MYO16: variants seen among roughly 807,000 people sequenced by gnomAD.
The protein encoded by MYO16 is myosin XVI.
In MYO16, 94 loss-of-function variants were observed where a neutral mutation model predicts 205.3. The ratio of observed to expected loss-of-function variants is 0.46; its 90% CI spans 0.39 to 0.54. The LOEUF (loss-of-function observed/expected upper bound fraction) is 0.54, where lower values mean the gene tolerates loss of function less well. Ranked by LOEUF, MYO16 falls within the 20% of genes least tolerant of loss-of-function variation. The pLI, the probability that MYO16 is intolerant of heterozygous loss-of-function variation, is 0.00. For synonymous variants in MYO16, 988 were observed against 954.0 expected, an observed-to-expected ratio of 1.04 and a Z score of -0.66; for missense variants, 2,315 against 2,387.5, an observed-to-expected ratio of 0.97 and a Z score of 0.63.
chr13:108,569,815 C>A, the MYO16 span, among the ~76,000 whole-genome samples: 3 of 151,164 alleles, frequency 2.0e-5, no homozygotes, highest in Non-Finnish European at 4.4e-5. Flanking sequence ...TGAGAAAATT[C>A]TCTTTCCAGT....
intron 16 of MYO16, among the ~76,000 whole-genome samples, chr13:108,953,565 TTTTG>T (rs1284069698): frequency 6.7e-6 from 1 of 149,974 alleles, no homozygotes; most frequent in Non-Finnish European, 1.5e-5. Context: ...ATGTTTTGAG[TTTTG>T]TTTTTTTTTT....
intron 2 of MYO16, among the ~76,000 whole-genome samples, chr13:108,707,982 GT>G (rs1350141196): frequency 6.6e-6 from 1 of 152,098 alleles, no homozygotes; most frequent in Non-Finnish European, 1.5e-5. Context: ...TAAAGCAATG[GT>G]TTTGTGACCC....
chr13:108,715,265 C>T (rs1006677831), intron 3 of MYO16, among the ~76,000 whole-genome samples: 5 of 152,160 alleles, frequency 3.3e-5, no homozygotes, highest in Admixed American at 6.5e-5. Flanking sequence ...GTACACGGCT[C>T]GCTTGCTGAC....
At chr13:108,975,189 TG>T (rs201801435) in intron 20 of MYO16, among the ~76,000 whole-genome samples, 11,416 of 137,060 alleles carry the variant, frequency 0.083, 519 homozygotes, top group Admixed American at 0.11. Context: ...ATACTGTTTT[TG>T]TTTTTTTTTT....
intron 2 of MYO16, among the ~76,000 whole-genome samples, chr13:108,678,146 T>G (rs1329697304): frequency 6.6e-6 from 1 of 152,202 alleles, no homozygotes; most frequent in Non-Finnish European, 1.5e-5. Flanking sequence ...ACTTACTGAG[T>G]GCAAGAATGG....
Position 108,987,980 on chromosome 13 carries a change from G to T in MYO16, c.2370-4396G>T, listed in dbSNP as rs148676586. On this transcript the variant is annotated intron_variant, in intron 20 of 34. Transcript: ENST00000457511. ...TTTAATATTTTGTCTGATGTAAAGG[G>T]TGTTGCATTTTACTAATATGTCAAT... Among the ~76,000 whole-genome samples the T allele has an allele frequency of 4.6e-5, 7 of 152,306 alleles. No homozygotes were observed. The East Asian group carries it at 1.3e-3, about 29-fold the overall frequency.
At chr13:108,820,964 T>C (rs1248774305) in intron 8 of MYO16, among the ~76,000 whole-genome samples, 1 of 152,156 alleles carries the variant, frequency 6.6e-6, no homozygotes, top group Non-Finnish European at 1.5e-5. Context: ...ACCTTTTGTA[T>C]ATTCATATAC....
chr13:109,116,260 A>G (rs1225287782), intron 28 of MYO16, among the ~76,000 whole-genome samples: 2 of 152,156 alleles, frequency 1.3e-5, no homozygotes, highest in Admixed American at 6.5e-5. Context: ...ACCTCCACCG[A>G]GTGAATCCGA....
chr13:108,527,562 A>T, the MYO16 span, among the ~76,000 whole-genome samples: 1 of 152,190 alleles, frequency 6.6e-6, no homozygotes, highest in Admixed American at 6.5e-5. Flanking sequence ...CTTTCTATGC[A>T]TACTCATTAA....
rs760760905 is a variant in MYO16, at chr13:109,206,754, G to A, written c.5561G>A (p.Cys1854Tyr). Reference sequence around the variant, plus strand: ...CCCAGGGTGCCTCCCCCACCACCTTGCAAGAAGCCCAGCCTTCTGAAGAAG... The same window carrying A: ...CCCAGGGTGCCTCCCCCACCACCTTACAAGAAGCCCAGCCTTCTGAAGAAG... ...AEPRVPPPPP[C>Y]KKPSLLKKPE... The change falls in exon 35 of 35, where the codon TGC becomes TAC. Residue 1854 changes from cysteine (C) to tyrosine (Y), a missense_variant. This residue lies in a region of MYO16 where 1,097 missense variants were observed against 1,092.0 expected (regional missense o/e 1.00). Coordinates refer to ENST00000457511, the MANE Select transcript of MYO16 (RefSeq NM_001198950.3). 1.2e-6 allele frequency: 2 copies of A among 1,614,140 alleles called. No individual in the cohort carries two copies. Among genetic ancestry groups the A allele is most frequent in the Non-Finnish European group, 1.7e-6 (2 of 1,180,002 alleles).
chr13:109,030,019 C>A (rs1387323965), intron 23 of MYO16, among the ~76,000 whole-genome samples: 1 of 152,100 alleles, frequency 6.6e-6, no homozygotes, highest in Non-Finnish European at 1.5e-5. Flanking sequence ...GAGGCACATT[C>A]ATAAATTTCA....
intron 24 of MYO16, chr13:109,048,965 A>G (rs1236155046): frequency 6.8e-4 from 3 of 4,410 alleles, no homozygotes; most frequent in Non-Finnish European, 2.5e-3. Flanking sequence ...AAGGAGGCAG[A>G]AAAAAAAAAA....
chr13:108,906,001 T>C (rs1880955383), intron 15 of MYO16, among the ~76,000 whole-genome samples: 1 of 152,198 alleles, frequency 6.6e-6, no homozygotes, highest in South Asian at 2.1e-4. Context: ...TCATTTACTT[T>C]GTGCCCGCTG....
At chr13:109,035,732 T>G (rs1455833467) in intron 23 of MYO16, among the ~76,000 whole-genome samples, 1 of 152,144 alleles carries the variant, frequency 6.6e-6, no homozygotes, top group African/African-American at 2.4e-5. Context: ...AGTTACTTCC[T>G]GCAAACCCTG....
chr13:108,521,651 T>A, the MYO16 span, among the ~76,000 whole-genome samples: 1 of 152,328 alleles, frequency 6.6e-6, no homozygotes, highest in African/African-American at 2.4e-5. Flanking sequence ...GCTCTTTATG[T>A]CTGATAATCT....
chr13:109,110,510 A>G (rs1260317074), intron 28 of MYO16, among the ~76,000 whole-genome samples: 1 of 152,234 alleles, frequency 6.6e-6, no homozygotes, highest in Non-Finnish European at 1.5e-5. Flanking sequence ...CAGAAGATAC[A>G]GTGCTCTATT....
intron 27 of MYO16, among the ~76,000 whole-genome samples, chr13:109,085,073 T>G (rs1290021138): frequency 2.0e-5 from 3 of 151,636 alleles, no homozygotes; most frequent in Non-Finnish European, 4.4e-5. Flanking sequence ...AGCATGTGAG[T>G]TCAGCAGGTT....
chr13:108,836,633 A>G (rs1876933948), intron 9 of MYO16, among the ~76,000 whole-genome samples: 1 of 152,220 alleles, frequency 6.6e-6, no homozygotes, highest in South Asian at 2.1e-4. Context: ...ACAGGGACAG[A>G]GCTACCCAAG....
chr13:108,747,399 G>A, intron 4 of MYO16, among the ~76,000 whole-genome samples: 1 of 152,150 alleles, frequency 6.6e-6, no homozygotes, highest in East Asian at 1.9e-4. Context: ...GTACAGAGAA[G>A]GGTGTGGGAA....
Sources: gnomAD v4.1 joint callset for allele counts (sites outside exome capture counted in the v4.1 genomes callset) on GRCh38, gnomAD v4.1.1 for gene constraint, gnomAD v4.1.1 regional missense constraint, MANE v1.5 for transcripts, NCBI Gene and HGNC (gene_info 2026-07-23, HGNC 2026-07-21) for gene names.